Variants in ARID2 observed in about 807,000 individuals in gnomAD.
ARID2 encodes AT-rich interactive domain-containing protein 2.
Under a neutral mutation model 184.6 loss-of-function variants are expected in ARID2, and 32 were observed. The ratio of observed to expected loss-of-function variants is 0.17; its 90% CI spans 0.13 to 0.23. The LOEUF (loss-of-function observed/expected upper bound fraction) is 0.23. Among genes scored for constraint, ARID2 ranks in the 10% least tolerant of loss-of-function variants. ARID2 has a pLI of 1.00. For missense variants in ARID2, 1,696 were observed against 2,197.6 expected, an observed-to-expected ratio of 0.77 and a Z score of 4.56; for synonymous variants, 836 against 772.6, an observed-to-expected ratio of 1.08 and a Z score of -1.36.
At position 45,905,179 on chromosome 12, in the gene ARID2, A is replaced by C; in HGVS notation, c.*101A>C. On this transcript the variant is annotated 3_prime_UTR_variant, in exon 21 of 21. Transcript: ENST00000334344. ...GTCTTAATGGAACAAAGACCATAGAATGAATTATTTTATCTCCTCCCATGA... is the reference window on the plus strand; with the variant it reads ...GTCTTAATGGAACAAAGACCATAGACTGAATTATTTTATCTCCTCCCATGA... The C allele has an allele frequency of 8.1e-7, 1 of 1,238,054 alleles. No individual in the cohort carries two copies. Among genetic ancestry groups the C allele is most frequent in the Non-Finnish European group, 1.1e-6 (1 of 917,172 alleles). 76.7% of individuals were successfully genotyped at this position (1,238,054 alleles called of 1,614,324 possible).
Position 45,870,623 on chromosome 12 carries a change from G to A in ARID2, c.4922+9674G>A, listed in dbSNP as rs569253548. Among the ~76,000 whole-genome samples the A allele has an allele frequency of 7.3e-5, 11 of 151,570 alleles. No homozygotes were observed. The East Asian group carries it at 1.9e-3, about 27-fold the overall frequency. On this transcript the variant is annotated intron_variant, in intron 16 of 20. Transcript: ENST00000334344. ...TTTATTCCTCCTCACCCCCTCCCTC[G>A]CCCCCAGTTCCTGGCAGCCACTCAT...
intron 16 of ARID2, among the ~76,000 whole-genome samples, chr12:45,868,956 G>A (rs1943873401): frequency 1.3e-5 from 2 of 151,916 alleles, no homozygotes; most frequent in Admixed American, 1.3e-4. Context: ...TTAGAGTGAT[G>A]TATAAATCAG....
chr12:45,905,189 T>G lies in ARID2; in HGVS notation c.*111T>G. On this transcript the variant is annotated 3_prime_UTR_variant, in exon 21 of 21. Coordinates refer to ENST00000334344, the MANE Select transcript of ARID2 (RefSeq NM_152641.4). The stretch of plus-strand genomic sequence containing the variant: ...AACAAAGACCATAGAATGAATTATT[T>G]TATCTCCTCCCATGATGCTGAGAGG... 2 of 1,099,998 alleles carry G rather than the reference T, an allele frequency of 1.8e-6. No homozygotes were observed. The highest frequency in any genetic ancestry group is 2.5e-6 in the Non-Finnish European group (2 of 800,984). The allele number at this position is 1,099,998 out of a possible 1,614,324, so 68.1% of individuals were successfully genotyped here. A position where few individuals can be genotyped will look rare whatever the true frequency, so the allele number is the denominator to read the frequency against.
chr12:45,783,687 G>A (rs1452261568), intron 3 of ARID2, among the ~76,000 whole-genome samples: 1 of 152,266 alleles, frequency 6.6e-6, no homozygotes, highest in Non-Finnish European at 1.5e-5. Context: ...CTGCTGATCT[G>A]ACAGGAGGTG....
intron 3 of ARID2, chr12:45,776,182 T>C (rs962153274): frequency 6.3e-6 from 1 of 159,030 alleles, no homozygotes; most frequent in Non-Finnish European, 1.5e-5. Context: ...ATGCAAATAT[T>C]CAGACCTACT....
At chr12:45,771,091 G>T (rs1017216283) in intron 3 of ARID2, among the ~76,000 whole-genome samples, 2 of 152,028 alleles carry the variant, frequency 1.3e-5, no homozygotes, top group Non-Finnish European at 2.9e-5. Context: ...CACCAGCGAA[G>T]GTAATTATAT....
intron 15 of ARID2, among the ~76,000 whole-genome samples, chr12:45,854,156 C>A (rs577053355): frequency 1.3e-5 from 2 of 152,126 alleles, no homozygotes; most frequent in Non-Finnish European, 2.9e-5. Flanking sequence ...GCCTGATGAT[C>A]GGTCACTGTC....
intron 15 of ARID2, among the ~76,000 whole-genome samples, chr12:45,860,126 G>C (rs533015268): frequency 6.6e-6 from 1 of 152,206 alleles, no homozygotes; most frequent in Non-Finnish European, 1.5e-5. Context: ...GAGGCCAAAG[G>C]GGGAGGATGG....
At chr12:45,886,381 C>T (rs1429606687) in intron 16 of ARID2, among the ~76,000 whole-genome samples, 3 of 152,224 alleles carry the variant, frequency 2.0e-5, no homozygotes, top group Non-Finnish European at 4.4e-5. Context: ...TACAGTGCCC[C>T]CCCCGGTCAG....
intron 3 of ARID2, chr12:45,776,283 C>G (rs1012557140): frequency 8.5e-5 from 13 of 152,480 alleles, no homozygotes; most frequent in Non-Finnish European, 1.5e-4. Flanking sequence ...AGGAACTGCT[C>G]TACAGAGAGT....
chr12:45,753,777 A>G (rs1395571497), intron 3 of ARID2, among the ~76,000 whole-genome samples: 3 of 152,052 alleles, frequency 2.0e-5, no homozygotes, highest in African/African-American at 4.8e-5. Context: ...TATTTTTTGT[A>G]GAGACGAGGT....
chr12:45,740,408 A>C lies in ARID2; in HGVS notation c.284+9094A>C, dbSNP rs150830263. Among the ~76,000 whole-genome samples the C allele has an allele frequency of 9.2e-4, 140 of 152,006 alleles. 2 individuals are homozygous for C. The highest frequency in any genetic ancestry group is 2.6e-3 in the African/African-American group (109 of 41,450). The stretch of plus-strand genomic sequence containing the variant: ...GTTTACATTTTTCTTTTTATATGTG[A>C]TGGTGTGCACACTCATACACACACT... On this transcript the variant is annotated intron_variant, in intron 3 of 20. Transcript: ENST00000334344.
rs146659148 is a variant in ARID2, at chr12:45,769,574, C to T, written c.284+38260C>T. On this transcript the variant is annotated intron_variant, in intron 3 of 20. Coordinates refer to ENST00000334344, the MANE Select transcript of ARID2 (RefSeq NM_152641.4). ...ACGCCATGAAGTGTACCAACGTACA[C>T]ATAATGGTAGGACCAGGAGAGAACA... Among the ~76,000 whole-genome samples, 832 of 152,272 alleles carry T rather than the reference C, an allele frequency of 5.5e-3. 7 individuals are homozygous for T. Among genetic ancestry groups the T allele is most frequent in the African/African-American group, 0.019 (794 of 41,554 alleles).
rs561055676 is a variant in ARID2 at position 45,860,010 on chromosome 12, G to A, written c.4774-791G>A. On this transcript the variant is annotated intron_variant, in intron 15 of 20. Transcript: ENST00000334344. ...GCCTCCCAAAGTGCTAGGATTACAG[G>A]CATGAACCACCGTGCCCAGCCTAGA... is the stretch of plus-strand genomic sequence containing the variant. 5.3e-5 allele frequency among the ~76,000 whole-genome samples: 8 copies of A among 152,278 alleles called. No individual in the cohort carries two copies. The South Asian group carries it at 1.2e-3, about 24-fold the overall frequency.
intron 3 of ARID2, among the ~76,000 whole-genome samples, chr12:45,774,752 A>T (rs1941943230): frequency 6.6e-6 from 1 of 152,216 alleles, no homozygotes; most frequent in South Asian, 2.1e-4. Context: ...ACACATACAA[A>T]ATGATAATAA....
intron 16 of ARID2, among the ~76,000 whole-genome samples, chr12:45,885,805 AACTC>A (rs779076982): frequency 3.3e-4 from 51 of 152,312 alleles, no homozygotes; most frequent in Non-Finnish European, 6.2e-4. Flanking sequence ...ATCTCATGAG[AACTC>A]ACTCAGTATC....
At chr12:45,823,742 G>C (rs1942940614) in intron 6 of ARID2, among the ~76,000 whole-genome samples, 3 of 152,074 alleles carry the variant, frequency 2.0e-5, no homozygotes, top group Admixed American at 6.6e-5. Flanking sequence ...GAACCAGGAA[G>C]TAATGGCCTC....
intron 18 of ARID2, among the ~76,000 whole-genome samples, 194 bp downstream of exon 18, chr12:45,892,290 A>G (rs865876181): frequency 3.3e-5 from 5 of 152,324 alleles, no homozygotes; most frequent in African/African-American, 1.2e-4. Flanking sequence ...TGGCTGGACA[A>G]TGTGGTCTGT....
chr12:45,781,240 A>G (rs1942083238), intron 3 of ARID2, among the ~76,000 whole-genome samples: 1 of 149,366 alleles, frequency 6.7e-6, no homozygotes, highest in South Asian at 2.2e-4. Context: ...ATCTGTTGCA[A>G]TCAAGACTGC....
Sources: gnomAD v4.1 joint callset for allele counts (sites outside exome capture counted in the v4.1 genomes callset) on GRCh38, gnomAD v4.1.1 for gene constraint, MANE v1.5 for transcripts, NCBI Gene and HGNC (gene_info 2026-07-23, HGNC 2026-07-21) for gene names.